STAU2: variants seen among roughly 807,000 people sequenced by gnomAD.
STAU2 encodes double-stranded RNA-binding protein Staufen homolog 2.
Under a neutral mutation model 65.9 loss-of-function variants are expected in STAU2, and 20 were observed. The observed-to-expected ratio is 0.30, with a 90% CI of 0.21 to 0.44. The LOEUF is 0.44. Ranked by LOEUF, STAU2 falls within the 20% of genes least tolerant of loss-of-function variation. The pLI is 1.00. For synonymous variants in STAU2, 232 were observed against 233.9 expected (o/e 0.99, Z 0.07); for missense variants, 558 against 683.9 (o/e 0.82, Z 2.05).
At chr8:73,563,589 A>C (rs1808389925) in intron 12 of STAU2, among the ~76,000 whole-genome samples, 1 of 152,196 alleles carries the variant, frequency 6.6e-6, no homozygotes, top group Admixed American at 6.5e-5. Flanking sequence ...CCAGAGATAA[A>C]CAAGGCAAAG....
At chr8:73,626,892 C>T (rs1470510957) in intron 6 of STAU2, among the ~76,000 whole-genome samples, 1 of 152,012 alleles carries the variant, frequency 6.6e-6, no homozygotes, top group Non-Finnish European at 1.5e-5. Context: ...AGGGTGCACC[C>T]AGCCTGGAGG....
At chr8:73,574,869 C>T (rs1457137281) in intron 12 of STAU2, among the ~76,000 whole-genome samples, 2 of 151,694 alleles carry the variant, frequency 1.3e-5, no homozygotes, top group East Asian at 1.9e-4. Context: ...AACAAACCTG[C>T]ACATTGTGCA....
intron 11 of STAU2, among the ~76,000 whole-genome samples, chr8:73,591,190 A>G (rs1810745667): frequency 6.6e-6 from 1 of 152,224 alleles, no homozygotes. Flanking sequence ...AAAATTAGTA[A>G]CAGTGAATTG....
intron 4 of STAU2, among the ~76,000 whole-genome samples, chr8:73,702,771 T>C (rs1820205149): frequency 6.6e-6 from 1 of 152,074 alleles, no homozygotes; most frequent in Non-Finnish European, 1.5e-5. Flanking sequence ...TATACACTGA[T>C]GACAAACACA....
At chr8:73,686,572 T>G (rs1818844393) in intron 5 of STAU2, among the ~76,000 whole-genome samples, 1 of 150,316 alleles carries the variant, frequency 6.7e-6, no homozygotes, top group African/African-American at 2.4e-5. Flanking sequence ...AACAATGGAT[T>G]TTGGGGATCT....
intron 13 of STAU2, among the ~76,000 whole-genome samples, chr8:73,483,906 T>C (rs971103175): frequency 6.6e-6 from 1 of 152,158 alleles, no homozygotes; most frequent in African/African-American, 2.4e-5. Context: ...AAGTGGTGTT[T>C]ACAGAGTCAC....
rs575349119 is a variant in STAU2, at chr8:73,569,549, G to A, written c.1222+13221C>T. Among the ~76,000 whole-genome samples the A allele has an allele frequency of 4.6e-5, 7 of 152,116 alleles. No individual in the cohort carries two copies. The East Asian group carries it at 1.4e-3, about 30-fold the overall frequency. ...TGACCCCCGAGAAGCCTAACTGGGA[G>A]ACACCTTCCAGTAGGGGCTGACTGA... On this transcript the variant is annotated intron_variant, in intron 12 of 14. Coordinates refer to ENST00000524300, the MANE Select transcript of STAU2 (RefSeq NM_001164380.2).
At chr8:73,510,098 G>A (rs1199380301) in intron 13 of STAU2, among the ~76,000 whole-genome samples, 1 of 151,680 alleles carries the variant, frequency 6.6e-6, no homozygotes, top group African/African-American at 2.4e-5. Context: ...ACTGAGTTTC[G>A]CTCTTGTTGC....
intron 13 of STAU2, among the ~76,000 whole-genome samples, chr8:73,523,196 CAAAAAAAAAAA>C (rs763732188): frequency 5.1e-5 from 4 of 78,626 alleles, no homozygotes; most frequent in African/African-American, 1.0e-4. Flanking sequence ...ACTTTGTCTC[CAAAAAAAAAAA>C]AAAAAAAAAA....
intron 13 of STAU2, among the ~76,000 whole-genome samples, chr8:73,446,434 T>C (rs1471982715): frequency 6.6e-6 from 1 of 152,232 alleles, no homozygotes; most frequent in Admixed American, 6.5e-5. Context: ...TGTGTTCTAC[T>C]AATATGGATC....
At position 73,688,820 on chromosome 8, in the gene STAU2, A is replaced by G; in HGVS notation, c.115-7T>C. 1.2e-6 allele frequency: 2 copies of G among 1,612,134 alleles called. No individual in the cohort carries two copies. Among genetic ancestry groups the G allele is most frequent in the Non-Finnish European group, 1.7e-6 (2 of 1,179,130 alleles). On this transcript the variant is annotated splice_polypyrimidine_tract_variant and splice_region_variant and intron_variant, in intron 4 of 14. Coordinates refer to ENST00000524300, the MANE Select transcript of STAU2 (RefSeq NM_001164380.2). ...TCAGCTGCACTGAGAACATCTTAGA[A>G]AAACATAAATAGACAAAGAAAACAT...
intron 13 of STAU2, among the ~76,000 whole-genome samples, chr8:73,529,740 T>C (rs776333292): frequency 6.6e-6 from 1 of 152,204 alleles, no homozygotes; most frequent in African/African-American, 2.4e-5. Context: ...TGTGTTTACA[T>C]ATATAACTCA....
intron 13 of STAU2, among the ~76,000 whole-genome samples, chr8:73,543,395 T>C (rs371490157): frequency 6.6e-6 from 1 of 152,200 alleles, no homozygotes; most frequent in African/African-American, 2.4e-5. Context: ...TATGGGTGTG[T>C]TTTATCACAT....
At chr8:73,741,197 C>T (rs867905926) in intron 1 of STAU2, among the ~76,000 whole-genome samples, 3 of 146,350 alleles carry the variant, frequency 2.0e-5, no homozygotes, top group Non-Finnish European at 3.0e-5. Context: ...CCCAGCTACT[C>T]GGGAGGCTGA....
Position 73,637,112 on chromosome 8 carries a change from A to T in STAU2, c.411-19661T>A, listed in dbSNP as rs529294758. On this transcript the variant is annotated intron_variant, in intron 6 of 14. Transcript: ENST00000524300. Reference sequence around the variant, plus strand: ...TATACTACCTAACTATTAGAAAAAAAGAAGTTAAAAAAATGAACTGAAGCT... The same window carrying T: ...TATACTACCTAACTATTAGAAAAAATGAAGTTAAAAAAATGAACTGAAGCT... Among the ~76,000 whole-genome samples the T allele has an allele frequency of 8.5e-5, 13 of 152,142 alleles. No homozygotes were observed. The South Asian group carries it at 2.3e-3, about 27-fold the overall frequency.
chr8:73,444,373 T>G (rs1482940435), intron 13 of STAU2, among the ~76,000 whole-genome samples: 2 of 143,250 alleles, frequency 1.4e-5, no homozygotes, highest in African/African-American at 5.3e-5. Flanking sequence ...ATCATTGCAC[T>G]CCAGCCTAAG....
intron 6 of STAU2, among the ~76,000 whole-genome samples, chr8:73,648,263 T>C (rs1421217769): frequency 1.3e-5 from 2 of 152,214 alleles, no homozygotes; most frequent in African/African-American, 2.4e-5. Context: ...ATTTTTATTC[T>C]AGAAAAAATA....
In STAU2 at chr8:73,514,843, C is replaced by A. The variant is rs148153200; in HGVS notation, c.1530+37169G>T. 1.9e-3 allele frequency among the ~76,000 whole-genome samples: 288 copies of A among 152,164 alleles called. 1 individual carries two copies. Among genetic ancestry groups the A allele is most frequent in the Non-Finnish European group, 1.1e-3 (76 of 68,024 alleles). ...GTTTTAGATTCACAGAAAAATTGAG[C>A]ACAACTTACAGAGACTTCTCATATA... On this transcript the variant is annotated intron_variant, in intron 13 of 14. Coordinates refer to ENST00000524300, the MANE Select transcript of STAU2 (RefSeq NM_001164380.2).
chr8:73,551,908 T>G, intron 13 of STAU2, 104 bp downstream of exon 13: 3 of 1,409,718 alleles, frequency 2.1e-6, no homozygotes, highest in Middle Eastern at 1.9e-4. Flanking sequence ...GTAAGTGGCA[T>G]GTAGGCCATA....
Sources: allele counts gnomAD v4.1 joint callset (sites outside exome capture counted in the v4.1 genomes callset), GRCh38; gene constraint gnomAD v4.1.1; transcripts MANE v1.5; gene names NCBI Gene and HGNC (gene_info 2026-07-23, HGNC 2026-07-21).